LPIN2: variants seen among roughly 807,000 people sequenced by gnomAD.
LPIN2 encodes lipin 2.
Under a neutral mutation model 111.4 loss-of-function variants are expected in LPIN2, and 55 were observed. That is an observed-to-expected ratio of 0.49 (90% CI 0.40 to 0.62). LPIN2 has a LOEUF of 0.62. Among genes scored for constraint, LPIN2 ranks in the 20% least tolerant of loss-of-function variants. LPIN2 has a pLI of 0.00. For missense variants in LPIN2, 992 were observed against 1,112.1 expected, an observed-to-expected ratio of 0.89 and a Z score of 1.54; for synonymous variants, 425 against 414.0, an observed-to-expected ratio of 1.03 and a Z score of -0.32.
intron 13 of LPIN2, among the ~76,000 whole-genome samples, chr18:2,926,359 C>T (rs1013071955): frequency 6.6e-6 from 1 of 152,178 alleles, no homozygotes; most frequent in South Asian, 2.1e-4. Flanking sequence ...AATGCTGTTT[C>T]TTCCAGGAAA....
At chr18:2,975,649 T>C (rs1337996606) in intron 1 of LPIN2, among the ~76,000 whole-genome samples, 1 of 152,222 alleles carries the variant, frequency 6.6e-6, no homozygotes, top group Non-Finnish European at 1.5e-5. Flanking sequence ...GTCTTACAGA[T>C]ACGATTACGT....
intron 17 of LPIN2, 145 bp downstream of exon 17, chr18:2,921,902 G>A: frequency 8.4e-7 from 1 of 1,190,750 alleles, no homozygotes; most frequent in Non-Finnish European, 1.2e-6. Context: ...GCAGTATGTG[G>A]TAGGACACCA....
intron 13 of LPIN2, among the ~76,000 whole-genome samples, chr18:2,926,045 C>T (rs531671395): frequency 1.5e-3 from 231 of 152,050 alleles, no homozygotes; most frequent in African/African-American, 5.2e-3. Context: ...CTTAGGAGGC[C>T]GAGGCAGGAT....
intron 2 of LPIN2, among the ~76,000 whole-genome samples, chr18:2,958,002 C>T (rs368905138): frequency 6.6e-6 from 1 of 151,186 alleles, no homozygotes; most frequent in Non-Finnish European, 1.5e-5. Context: ...AGCAGCCAGG[C>T]GTGGTAGCAC....
At chr18:2,921,169 A>C (rs148407462) in intron 18 of LPIN2, 1 of 554,510 alleles carries the variant, frequency 1.8e-6, no homozygotes, top group Non-Finnish European at 3.2e-6. Context: ...ATGGCCCTGC[A>C]GAAGGGAGGC....
chr18:2,944,065 C>T (rs1015261686), intron 4 of LPIN2, among the ~76,000 whole-genome samples: 1 of 151,820 alleles, frequency 6.6e-6, no homozygotes, highest in African/African-American at 2.4e-5. Flanking sequence ...CTAAGTTCTT[C>T]CAGAGTTCTG....
chr18:3,003,620 A>C (rs531543281), intron 1 of LPIN2, among the ~76,000 whole-genome samples: 20 of 152,320 alleles, frequency 1.3e-4, no homozygotes, highest in African/African-American at 4.8e-4. Flanking sequence ...CTTCCCTAAT[A>C]ATCATCTTAT....
At chr18:2,943,519 A>G in intron 4 of LPIN2, among the ~76,000 whole-genome samples, 1 of 152,130 alleles carries the variant, frequency 6.6e-6, no homozygotes. Context: ...ACTGCTTCAA[A>G]TAATATTTCA....
intron 1 of LPIN2, among the ~76,000 whole-genome samples, chr18:3,010,546 C>G (rs1177004036): frequency 6.6e-6 from 1 of 152,144 alleles, no homozygotes; most frequent in African/African-American, 2.4e-5. Flanking sequence ...AGATTCCAAA[C>G]CACTGCCTAC....
At chr18:3,005,225 C>A (rs2078493870) in intron 1 of LPIN2, among the ~76,000 whole-genome samples, 1 of 152,016 alleles carries the variant, frequency 6.6e-6, no homozygotes, top group Admixed American at 6.6e-5. Flanking sequence ...TGGCAGGTGC[C>A]TGTAATCCCA....
At chr18:3,012,576 G>A (rs1022724393) in intron 1 of LPIN2, among the ~76,000 whole-genome samples, 9 of 152,204 alleles carry the variant, frequency 5.9e-5, no homozygotes, top group African/African-American at 1.7e-4. Context: ...AGCGCGGCGG[G>A]GAAGAAACAC....
At chr18:2,941,545 T>C (rs1475179632) in intron 4 of LPIN2, among the ~76,000 whole-genome samples, 1 of 152,238 alleles carries the variant, frequency 6.6e-6, no homozygotes, top group Non-Finnish European at 1.5e-5. Context: ...CTTGGAAATT[T>C]ATCATTTGTC....
intron 1 of LPIN2, among the ~76,000 whole-genome samples, chr18:3,009,097 C>T (rs2143510644): frequency 6.6e-6 from 1 of 152,182 alleles, no homozygotes; most frequent in Non-Finnish European, 1.5e-5. Flanking sequence ...GGAGACTTCT[C>T]TCTTTCAAAA....
intron 7 of LPIN2, among the ~76,000 whole-genome samples, chr18:2,934,996 A>G (rs1331716145): frequency 6.6e-6 from 1 of 152,236 alleles, no homozygotes; most frequent in East Asian, 1.9e-4. Flanking sequence ...CATGAGATAC[A>G]ATATGAGTAC....
At chr18:2,956,311 G>GGGGGTGTGTGT (rs537302837) in intron 2 of LPIN2, among the ~76,000 whole-genome samples, 2 of 143,960 alleles carry the variant, frequency 1.4e-5, no homozygotes, top group Non-Finnish European at 3.0e-5. Flanking sequence ...TAGATGCAGG[G>GGGGGTGTGTGT]GTGTGTGTGT....
At position 2,920,040 on chromosome 18, in the gene LPIN2, G is replaced by A; in HGVS notation, c.*253C>T. 5.2e-6 allele frequency: 3 copies of A among 573,166 alleles called. No individual in the cohort carries two copies. The highest frequency in any genetic ancestry group is 6.3e-6 in the Non-Finnish European group (2 of 319,960). The allele number at this position is 573,166 out of a possible 1,614,324, so 35.5% of individuals were successfully genotyped here. A position where few individuals can be genotyped will look rare whatever the true frequency, so the allele number is the denominator to read the frequency against. On this transcript the variant is annotated 3_prime_UTR_variant, in exon 20 of 20. Transcript: ENST00000677752. ...CCAGCTCACAGCAGGAAACATGTGT[G>A]CGACCCACAAAGGAGGGATCCCAGG...
At chr18:2,981,559 G>A (rs555041388) in intron 1 of LPIN2, among the ~76,000 whole-genome samples, 13 of 152,156 alleles carry the variant, frequency 8.5e-5, no homozygotes, top group Non-Finnish European at 1.8e-4. Context: ...AAAGTATTTC[G>A]TAAAAAGTCA....
At chr18:2,948,355 A>G (rs893691255) in intron 4 of LPIN2, 2 of 152,246 alleles carry the variant, frequency 1.3e-5, no homozygotes, top group Non-Finnish European at 2.9e-5. Context: ...ACATCAGTAC[A>G]CAGTGGATAC....
intron 9 of LPIN2, among the ~76,000 whole-genome samples, chr18:2,929,949 G>T (rs570072689): frequency 1.3e-5 from 2 of 152,174 alleles, no homozygotes; most frequent in African/African-American, 2.4e-5. Context: ...TGTTACAATT[G>T]CTTGGAGAAT....
Sources: gnomAD v4.1 joint callset for allele counts (sites outside exome capture counted in the v4.1 genomes callset) on GRCh38, gnomAD v4.1.1 for gene constraint, MANE v1.5 for transcripts, NCBI Gene and HGNC (gene_info 2026-07-23, HGNC 2026-07-21) for gene names.